The following STK39 variants were observed in gnomAD, a reference collection of about 807,000 sequenced individuals.
The protein encoded by STK39 is STE20/SPS1-related proline-alanine-rich protein kinase.
Under a neutral mutation model 77.8 loss-of-function variants are expected in STK39, and 20 were observed. That is an observed-to-expected ratio of 0.26 (90% CI 0.18 to 0.37). The LOEUF is 0.37. Ranked by LOEUF, STK39 falls within the 10% of genes least tolerant of loss-of-function variation. The probability of loss-of-function intolerance (pLI) is 1.00; values close to 1 mark genes in which losing one functional copy is unlikely to be tolerated. For missense variants in STK39, 479 were observed against 656.5 expected (o/e 0.73, Z 2.95); for synonymous variants, 246 against 234.1 (o/e 1.05, Z -0.47).
intron 14 of STK39, among the ~76,000 whole-genome samples, chr2:168,060,853 G>A (rs74574997): frequency 0.01 from 1,540 of 151,416 alleles, 32 homozygotes; most frequent in African/African-American, 0.036. Flanking sequence ...AAGTCACTCC[G>A]ACAGTGAATG....
chr2:168,050,829 C>G lies in STK39; in HGVS notation c.1376+12671G>C, dbSNP rs183783479. Among the ~76,000 whole-genome samples the G allele has an allele frequency of 9.2e-4, 140 of 152,304 alleles. 1 individual carries two copies. The highest frequency in any genetic ancestry group is 3.2e-3 in the African/African-American group (135 of 41,564). ...TTATAGCAGTGATAGAAAACTAATA[C>G]AAAGGCCAACCAATGAAATTCACCG... On this transcript the variant is annotated intron_variant, in intron 14 of 17. Coordinates refer to ENST00000355999, the MANE Select transcript of STK39 (RefSeq NM_013233.3).
chr2:168,182,316 G>A (rs1010265427), intron 1 of STK39, among the ~76,000 whole-genome samples: 1 of 151,952 alleles, frequency 6.6e-6, no homozygotes, highest in Non-Finnish European at 1.5e-5. Flanking sequence ...GAGGACACAG[G>A]GGACAAGGGA....
chr2:167,976,350 C>A (rs1683275876), intron 16 of STK39, among the ~76,000 whole-genome samples: 1 of 152,282 alleles, frequency 6.6e-6, no homozygotes, highest in Middle Eastern at 3.4e-3. Context: ...TTGCCTTTAG[C>A]TTTCAAGCTG....
intron 1 of STK39, among the ~76,000 whole-genome samples, chr2:168,233,382 G>C (rs920943645): frequency 6.6e-6 from 1 of 152,178 alleles, no homozygotes; most frequent in Non-Finnish European, 1.5e-5. Flanking sequence ...ATGTGAGAAA[G>C]TACACACTGT....
intron 10 of STK39, among the ~76,000 whole-genome samples, chr2:168,124,280 T>C (rs1218027032): frequency 1.3e-5 from 2 of 152,180 alleles, no homozygotes; most frequent in Non-Finnish European, 2.9e-5. Flanking sequence ...AACTGCCTAT[T>C]ACATGTTTCC....
At chr2:167,967,670 G>C (rs1310718803) in intron 16 of STK39, among the ~76,000 whole-genome samples, 1 of 152,160 alleles carries the variant, frequency 6.6e-6, no homozygotes. Context: ...GATCATCCTA[G>C]GGGTAATCCA....
intron 1 of STK39, among the ~76,000 whole-genome samples, chr2:168,236,275 A>G (rs1287905238): frequency 5.3e-5 from 8 of 152,148 alleles, no homozygotes; most frequent in African/African-American, 1.7e-4. Context: ...GTCTGTTCAT[A>G]TCCTTCGCCC....
chr2:168,009,630 T>A (rs142598844), intron 16 of STK39, among the ~76,000 whole-genome samples: 12 of 152,182 alleles, frequency 7.9e-5, no homozygotes, highest in African/African-American at 2.9e-4. Context: ...CCTTATAGAA[T>A]TGATGTGATG....
At chr2:168,217,190 G>A (rs931695852) in intron 1 of STK39, among the ~76,000 whole-genome samples, 25 of 152,260 alleles carry the variant, frequency 1.6e-4, no homozygotes, top group African/African-American at 6.0e-4. Context: ...ATTCCACCAA[G>A]GGTGCCTAGA....
At chr2:168,166,001 A>G (rs1442529102) in intron 3 of STK39, among the ~76,000 whole-genome samples, 2 of 152,296 alleles carry the variant, frequency 1.3e-5, no homozygotes, top group East Asian at 3.9e-4. Flanking sequence ...GGTGTTCCCA[A>G]GGAAATCACT....
chr2:168,134,497 T>C (rs917907753), intron 8 of STK39, among the ~76,000 whole-genome samples: 3 of 144,828 alleles, frequency 2.1e-5, no homozygotes, highest in Non-Finnish European at 4.5e-5. Context: ...CAATGCAACA[T>C]CATCCCCCTT....
chr2:167,994,425 T>TTG (rs146896393), intron 16 of STK39, among the ~76,000 whole-genome samples: 3,726 of 152,254 alleles, frequency 0.024, 52 homozygotes, highest in Non-Finnish European at 0.031. Context: ...AATTTGTTTT[T>TTG]TGTGTGTGTG....
At chr2:167,978,037 C>T (rs566407855) in intron 16 of STK39, among the ~76,000 whole-genome samples, 3 of 152,142 alleles carry the variant, frequency 2.0e-5, no homozygotes, top group East Asian at 1.9e-4. Flanking sequence ...TGGGTGGGAT[C>T]GCAAAACTCA....
chr2:167,986,457 G>GTAT (rs756038786), intron 16 of STK39, among the ~76,000 whole-genome samples: 15 of 152,138 alleles, frequency 9.9e-5, no homozygotes, highest in Non-Finnish European at 2.1e-4. Flanking sequence ...TTATAAAAGG[G>GTAT]TCACATACCA....
chr2:168,152,885 TC>T (rs1422344247), intron 5 of STK39, among the ~76,000 whole-genome samples: 5 of 152,342 alleles, frequency 3.3e-5, no homozygotes, highest in African/African-American at 1.2e-4. Context: ...CTGCAGGTGA[TC>T]TTTTTTAAAC....
At chr2:167,984,660 T>A (rs913429651) in intron 16 of STK39, among the ~76,000 whole-genome samples, 1 of 152,176 alleles carries the variant, frequency 6.6e-6, no homozygotes, top group Non-Finnish European at 1.5e-5. Flanking sequence ...AGTGTTTATA[T>A]CAAAGTTTGG....
At chr2:168,009,951 AC>A (rs1285828298) in intron 16 of STK39, among the ~76,000 whole-genome samples, 2 of 152,136 alleles carry the variant, frequency 1.3e-5, no homozygotes, top group Admixed American at 1.3e-4. Context: ...CAACAATAAA[AC>A]CTTCCTAACT....
intron 5 of STK39, among the ~76,000 whole-genome samples, chr2:168,155,168 G>A (rs1559123699): frequency 6.6e-6 from 1 of 152,078 alleles, no homozygotes; most frequent in Admixed American, 6.5e-5. Context: ...ATTCCAGCAG[G>A]AGAGTAGAGC....
At chr2:168,231,326 G>A (rs1164509292) in intron 1 of STK39, among the ~76,000 whole-genome samples, 2 of 152,034 alleles carry the variant, frequency 1.3e-5, no homozygotes. Flanking sequence ...TTTTGCTGCT[G>A]TTGTTTTTTA....
Sources: allele counts gnomAD v4.1 joint callset (sites outside exome capture counted in the v4.1 genomes callset), GRCh38; gene constraint gnomAD v4.1.1; transcripts MANE v1.5; gene names NCBI Gene and HGNC (gene_info 2026-07-23, HGNC 2026-07-21).